The following NUDT9 variants were observed in gnomAD, a reference collection of about 807,000 sequenced individuals.
The protein encoded by NUDT9 is ADP-ribose pyrophosphatase.
NUDT9 carries 31 observed loss-of-function variants against 41.0 expected under a neutral mutation model. The observed-to-expected ratio is 0.76, with a 90% confidence interval of 0.57 to 1.02. The LOEUF is 1.02. NUDT9 is among the 50% of genes least tolerant of loss of function. The pLI, the probability that NUDT9 is intolerant of heterozygous loss-of-function variation, is 0.00. For missense variants in NUDT9, 380 were observed against 431.4 expected, an observed-to-expected ratio of 0.88 and a Z score of 1.06; for synonymous variants, 146 against 147.6, an observed-to-expected ratio of 0.99 and a Z score of 0.08.
At chr4:87,437,074 C>A (rs1721968615) in intron 2 of NUDT9, among the ~76,000 whole-genome samples, 1 of 151,730 alleles carries the variant, frequency 6.6e-6, no homozygotes, top group Non-Finnish European at 1.5e-5. Flanking sequence ...CATGATGAAA[C>A]CCTGTGTATA....
intron 4 of NUDT9, among the ~76,000 whole-genome samples, chr4:87,445,093 C>G (rs180778282): frequency 6.3e-4 from 96 of 152,246 alleles, no homozygotes; most frequent in Admixed American, 1.2e-3. Flanking sequence ...GGCATCCTGT[C>G]AGTGCTATCA....
intron 7 of NUDT9, among the ~76,000 whole-genome samples, chr4:87,455,987 T>C (rs1035786736): frequency 2.0e-5 from 3 of 152,074 alleles, no homozygotes; most frequent in African/African-American, 7.2e-5. Context: ...AAATTGACCA[T>C]GATATAACTT....
chr4:87,440,633 G>A (rs918860812), intron 3 of NUDT9, among the ~76,000 whole-genome samples: 19 of 152,222 alleles, frequency 1.2e-4, no homozygotes, highest in Middle Eastern at 3.4e-3. Context: ...GGATCGTGAG[G>A]TCAGGAGTTT....
At chr4:87,444,566 A>C (rs1439352091) in intron 4 of NUDT9, among the ~76,000 whole-genome samples, 1 of 152,214 alleles carries the variant, frequency 6.6e-6, no homozygotes, top group Non-Finnish European at 1.5e-5. Context: ...TGGCAGTGTT[A>C]GTTTCTGATT....
At chr4:87,442,602 T>C (rs756523788) in intron 4 of NUDT9, among the ~76,000 whole-genome samples, 33 of 152,248 alleles carry the variant, frequency 2.2e-4, no homozygotes, top group Non-Finnish European at 4.1e-4. Context: ...TTTTTTATAG[T>C]AACAGCTTAA....
chr4:87,440,795 G>A (rs1016659582), intron 3 of NUDT9, among the ~76,000 whole-genome samples: 2 of 151,960 alleles, frequency 1.3e-5, no homozygotes, highest in Admixed American at 6.6e-5. Flanking sequence ...GCAGTGAGCT[G>A]AGATCATGCC....
At chr4:87,436,915 A>G (rs886913337) in intron 2 of NUDT9, among the ~76,000 whole-genome samples, 4 of 152,078 alleles carry the variant, frequency 2.6e-5, no homozygotes, top group Admixed American at 6.6e-5. Flanking sequence ...CAGGGATTTT[A>G]TAGTGGTGAG....
intron 6 of NUDT9, 46 bp from the exon 7 acceptor site, chr4:87,454,325 C>G: frequency 9.7e-7 from 1 of 1,027,508 alleles, no homozygotes; most frequent in East Asian, 2.4e-5. Flanking sequence ...CTGCTGTACT[C>G]ACTACACCTT....
intron 4 of NUDT9, among the ~76,000 whole-genome samples, chr4:87,443,258 C>T (rs1364647917): frequency 1.3e-5 from 2 of 149,488 alleles, no homozygotes; most frequent in African/African-American, 2.5e-5. Context: ...TACACACACA[C>T]ACATGCCTGC....
chr4:87,449,143 TGGAAAAG>T lies in NUDT9; in HGVS notation c.536_542del (p.Lys179IlefsTer22). Reference sequence around the variant, plus strand: ...ATGATTTTATATTACTATTCACAGATGGAAAAGGGATAGCAGTGGAAATAAAATCATG... The same window carrying T: ...ATGATTTTATATTACTATTCACAGATGGATAGCAGTGGAAATAAAATCATG... On this transcript the variant is annotated frameshift_variant and splice_region_variant, in exon 5 of 8. Transcript: ENST00000302174. LOFTEE classifies it high-confidence loss of function. 1 of 1,548,966 alleles carries T rather than the reference TGGAAAAG, an allele frequency of 6.5e-7. No individual in the cohort carries two copies. The highest frequency in any genetic ancestry group is 8.9e-7 in the Non-Finnish European group (1 of 1,121,192).
intron 1 of NUDT9, among the ~76,000 whole-genome samples, chr4:87,433,758 CTGTGTGG>C (rs1393747542): frequency 1.3e-5 from 2 of 152,072 alleles, no homozygotes; most frequent in African/African-American, 4.8e-5. Context: ...TTTGTATATG[CTGTGTGG>C]TTAGGGTGAA....
intron 4 of NUDT9, 99 bp downstream of exon 4, chr4:87,442,014 T>G: frequency 4.1e-6 from 3 of 735,142 alleles, no homozygotes; most frequent in Non-Finnish European, 2.2e-6. Context: ...CCTGTGTGTA[T>G]ATACATATGT....
At chr4:87,436,168 T>C (rs545450715) in intron 2 of NUDT9, among the ~76,000 whole-genome samples, 8 of 152,152 alleles carry the variant, frequency 5.3e-5, no homozygotes, top group Admixed American at 5.2e-4. Context: ...TAATTTTATT[T>C]TATTTTTAAG....
At chr4:87,440,115 C>T (rs1022285952) in intron 3 of NUDT9, among the ~76,000 whole-genome samples, 9 of 151,968 alleles carry the variant, frequency 5.9e-5, no homozygotes, top group South Asian at 4.2e-4. Flanking sequence ...TTTATAGATA[C>T]AATTATAAAA....
At chr4:87,434,774 C>T (rs1204677101) in intron 1 of NUDT9, among the ~76,000 whole-genome samples, 4 of 151,958 alleles carry the variant, frequency 2.6e-5, no homozygotes. Context: ...GGATTACAGG[C>T]ATATGCCACT....
intron 1 of NUDT9, among the ~76,000 whole-genome samples, chr4:87,433,231 A>AT (rs1560789284): frequency 6.6e-6 from 1 of 151,942 alleles, no homozygotes; most frequent in Non-Finnish European, 1.5e-5. Flanking sequence ...TGCAATGTTT[A>AT]TTTTTTCCTT....
intron 6 of NUDT9, among the ~76,000 whole-genome samples, chr4:87,452,568 A>C (rs1214685825): frequency 6.6e-6 from 1 of 151,514 alleles, no homozygotes; most frequent in Non-Finnish European, 1.5e-5. Context: ...CTCCCACGTC[A>C]GTCTTCTGGG....
chr4:87,431,655 T>TC (rs1721693072), intron 1 of NUDT9, among the ~76,000 whole-genome samples: 1 of 152,234 alleles, frequency 6.6e-6, no homozygotes, highest in Non-Finnish European at 1.5e-5. Context: ...TTTATTCTTT[T>TC]CTATGCTATT....
At chr4:87,448,174 T>C (rs1722548964) in intron 4 of NUDT9, among the ~76,000 whole-genome samples, 1 of 128,674 alleles carries the variant, frequency 7.8e-6, no homozygotes, top group African/African-American at 3.0e-5. Context: ...AGATGGAGTC[T>C]CACTCTGTCA....
Sources: gnomAD v4.1 joint callset for allele counts (sites outside exome capture counted in the v4.1 genomes callset) on GRCh38, gnomAD v4.1.1 for gene constraint, MANE v1.5 for transcripts, NCBI Gene and HGNC (gene_info 2026-07-23, HGNC 2026-07-21) for gene names.